SPSB4: variants seen among roughly 807,000 people sequenced by gnomAD.
SPSB4 encodes the protein SPRY domain-containing SOCS box protein 4.
A neutral mutation model predicts 20.9 loss-of-function variants in SPSB4; 21 were observed. That is an observed-to-expected ratio of 1.01 (90% CI 0.71 to 1.45). The LOEUF (loss-of-function observed/expected upper bound fraction) is 1.45, where lower values mean the gene tolerates loss of function less well. Among genes scored for constraint, SPSB4 ranks in the 40% most tolerant of loss-of-function variants. The probability of loss-of-function intolerance (pLI) is 0.00; values close to 1 mark genes in which losing one functional copy is unlikely to be tolerated. For synonymous variants in SPSB4, 207 were observed against 183.8 expected (o/e 1.13, Z -1.02); for missense variants, 399 against 399.2 (o/e 1.00, Z 0.00).
rs142880519 is a variant in SPSB4 at position 141,126,432 on chromosome 3, C to T, written c.695-20710C>T. Reference sequence around the variant, plus strand: ...GGAATGGAAGCTGACCCCAAGTCCACGTCCACAGAGATCAAGGCTCCTGGA... The same window carrying T: ...GGAATGGAAGCTGACCCCAAGTCCATGTCCACAGAGATCAAGGCTCCTGGA... On this transcript the variant is annotated intron_variant, in intron 2 of 2. Coordinates refer to ENST00000310546, the MANE Select transcript of SPSB4 (RefSeq NM_080862.3). 2.4e-3 allele frequency among the ~76,000 whole-genome samples: 371 copies of T among 152,276 alleles called. 3 individuals are homozygous for T. Among genetic ancestry groups the T allele is most frequent in the African/African-American group, 8.5e-3 (355 of 41,566 alleles).
intron 2 of SPSB4, among the ~76,000 whole-genome samples, chr3:141,120,518 G>C (rs914626146): frequency 6.6e-6 from 1 of 151,676 alleles, no homozygotes; most frequent in Non-Finnish European, 1.5e-5. Flanking sequence ...GGGTGTTAAA[G>C]TCTCCCATTA....
chr3:141,067,406 C>A (rs1937908720), intron 2 of SPSB4, among the ~76,000 whole-genome samples: 1 of 152,198 alleles, frequency 6.6e-6, no homozygotes, highest in African/African-American at 2.4e-5. Flanking sequence ...GGAATGAAAA[C>A]CCTGGGTTGT....
At chr3:141,116,033 T>C (rs1938874294) in intron 2 of SPSB4, among the ~76,000 whole-genome samples, 1 of 152,236 alleles carries the variant, frequency 6.6e-6, no homozygotes, top group Non-Finnish European at 1.5e-5. Context: ...AAGGCCTTCA[T>C]ATTAAGCCCC....
chr3:141,102,011 A>G (rs1040194645), intron 2 of SPSB4, among the ~76,000 whole-genome samples: 7 of 152,236 alleles, frequency 4.6e-5, no homozygotes. Flanking sequence ...CCAGTTGTGC[A>G]GTGGATTCTC....
chr3:141,071,684 C>T (rs551828631), intron 2 of SPSB4, among the ~76,000 whole-genome samples: 57 of 152,298 alleles, frequency 3.7e-4, no homozygotes, highest in African/African-American at 1.3e-3. Context: ...TGAGCATGGC[C>T]TGACCCCACA....
chr3:141,105,820 C>T (rs183569950), intron 2 of SPSB4, among the ~76,000 whole-genome samples: 116 of 152,332 alleles, frequency 7.6e-4, no homozygotes, highest in Admixed American at 3.2e-3. Context: ...ATGCTTACTA[C>T]GTTTTTTAAA....
Position 141,066,210 on chromosome 3 carries a change from C to A in SPSB4, c.106C>A (p.Arg36=). The A allele has an allele frequency of 6.5e-7, 1 of 1,536,746 alleles. No homozygotes were observed. The highest frequency in any genetic ancestry group is 1.2e-5 in the South Asian group (1 of 82,756). The change falls in exon 2 of 3, where the codon CGG becomes AGG. Residue 36 remains arginine, a synonymous_variant. Coordinates refer to ENST00000310546, the MANE Select transcript of SPSB4 (RefSeq NM_080862.3). ...GGGTGCAGAGCCCGGGCGGCCGGCG[C>A]GGCTGGACCAGCTGTTGGACATGCC... The part of the protein sequence containing the change: ...LRGAEPGRPA[R]LDQLLDMPAA...
intron 2 of SPSB4, among the ~76,000 whole-genome samples, chr3:141,105,111 C>A (rs2107796440): frequency 6.6e-6 from 1 of 152,304 alleles, no homozygotes; most frequent in African/African-American, 2.4e-5. Context: ...CATTCAGGAA[C>A]CATTTTAGCC....
At chr3:141,093,657 CG>C (rs1359333554) in intron 2 of SPSB4, among the ~76,000 whole-genome samples, 1 of 152,154 alleles carries the variant, frequency 6.6e-6, no homozygotes, top group Non-Finnish European at 1.5e-5. Flanking sequence ...AGGGCCATGC[CG>C]GCTGCCAAGG....
chr3:141,136,934 A>G (rs917991417), intron 2 of SPSB4, among the ~76,000 whole-genome samples: 7 of 152,122 alleles, frequency 4.6e-5, no homozygotes, highest in Non-Finnish European at 7.4e-5. Flanking sequence ...CTTGGGCAGT[A>G]TGGCCATTTT....
At chr3:141,060,350 A>G (rs1427389635) in intron 1 of SPSB4, among the ~76,000 whole-genome samples, 1 of 152,058 alleles carries the variant, frequency 6.6e-6, no homozygotes, top group Non-Finnish European at 1.5e-5. Context: ...TCCCTTAGAA[A>G]TTTTCTGTGT....
chr3:141,144,708 T>C (rs966661404), intron 2 of SPSB4, among the ~76,000 whole-genome samples: 4 of 152,222 alleles, frequency 2.6e-5, no homozygotes, highest in Non-Finnish European at 5.9e-5. Flanking sequence ...ATTTAGAATC[T>C]AGATTGATTT....
At chr3:141,116,788 CA>C (rs916793514) in intron 2 of SPSB4, among the ~76,000 whole-genome samples, 1 of 152,038 alleles carries the variant, frequency 6.6e-6, no homozygotes, top group Non-Finnish European at 1.5e-5. Flanking sequence ...TTATTATTGC[CA>C]AAAAAATCAG....
chr3:141,127,455 G>A (rs533086203), intron 2 of SPSB4, among the ~76,000 whole-genome samples: 38 of 152,284 alleles, frequency 2.5e-4, no homozygotes, highest in Admixed American at 1.0e-3. Context: ...CCACCTCCCC[G>A]AGGAAACCTG....
intron 1 of SPSB4, among the ~76,000 whole-genome samples, chr3:141,053,875 C>T (rs1281408671): frequency 2.0e-5 from 3 of 152,172 alleles, no homozygotes; most frequent in African/African-American, 7.2e-5. Context: ...TCCCAGGGGT[C>T]CTCAGGTCTG....
chr3:141,073,733 G>A (rs1938049865), intron 2 of SPSB4, among the ~76,000 whole-genome samples: 1 of 152,174 alleles, frequency 6.6e-6, no homozygotes, highest in African/African-American at 2.4e-5. Flanking sequence ...CTGCCACAGG[G>A]GGACTTGAGT....
chr3:141,132,662 A>ATG (rs200248190), intron 2 of SPSB4, among the ~76,000 whole-genome samples: 1 of 151,902 alleles, frequency 6.6e-6, no homozygotes, highest in East Asian at 1.9e-4. Context: ...GTATATATAT[A>ATG]TATATATATT....
intron 2 of SPSB4, among the ~76,000 whole-genome samples, chr3:141,087,911 T>C (rs1366937744): frequency 6.6e-6 from 1 of 152,150 alleles, no homozygotes; most frequent in Non-Finnish European, 1.5e-5. Context: ...GATAGACTTT[T>C]CTTTAGGAAA....
At chr3:141,099,850 C>G (rs565891645) in intron 2 of SPSB4, among the ~76,000 whole-genome samples, 1 of 152,304 alleles carries the variant, frequency 6.6e-6, no homozygotes, top group South Asian at 2.1e-4. Context: ...CAAACAGAGC[C>G]TCTGTTTACT....
Sources: allele counts gnomAD v4.1 joint callset (sites outside exome capture counted in the v4.1 genomes callset), GRCh38; gene constraint gnomAD v4.1.1; transcripts MANE v1.5; gene names NCBI Gene and HGNC (gene_info 2026-07-23, HGNC 2026-07-21).